Variants in CALN1 observed in about 807,000 individuals in gnomAD.
CALN1 encodes the protein calcium-binding protein 8.
CALN1 carries 17 observed loss-of-function variants against 30.6 expected under a neutral mutation model. That is an observed-to-expected ratio of 0.56 (90% CI 0.38 to 0.83). The LOEUF is 0.83. Among genes scored for constraint, CALN1 ranks in the 40% least tolerant of loss-of-function variants. The pLI is 0.00. For synonymous variants in CALN1, 156 were observed against 131.4 expected (o/e 1.19, Z -1.28); for missense variants, 291 against 354.9 (o/e 0.82, Z 1.45).
intron 5 of CALN1, among the ~76,000 whole-genome samples, chr7:71,889,110 G>A (rs182164921): frequency 6.6e-6 from 1 of 152,316 alleles, no homozygotes; most frequent in East Asian, 1.9e-4. Context: ...GAGATCAGGT[G>A]TCTTAGTTCC....
At chr7:72,093,236 A>C (rs556396864) in intron 4 of CALN1, among the ~76,000 whole-genome samples, 4 of 152,342 alleles carry the variant, frequency 2.6e-5, no homozygotes, top group South Asian at 4.1e-4. Flanking sequence ...AAAATGTTCT[A>C]AGACAGGCAT....
At chr7:72,396,253 A>AAG (rs1554399576) in intron 2 of CALN1, among the ~76,000 whole-genome samples, 9 of 106,236 alleles carry the variant, frequency 8.5e-5, no homozygotes, top group Admixed American at 7.1e-4. Context: ...AAAAAAAAAA[A>AAG]AAAAGAAAGA....
At chr7:72,155,977 T>C (rs1350997220) in intron 3 of CALN1, among the ~76,000 whole-genome samples, 1 of 152,188 alleles carries the variant, frequency 6.6e-6, no homozygotes, top group Non-Finnish European at 1.5e-5. Flanking sequence ...CCCTTGTGGT[T>C]ACATTAAACC....
intron 2 of CALN1, among the ~76,000 whole-genome samples, chr7:72,345,500 A>AAAT (rs1562909570): frequency 2.9e-5 from 4 of 136,262 alleles, no homozygotes; most frequent in African/African-American, 1.1e-4. Context: ...AGAGAGGGAG[A>AAAT]GAGGAAGGGA....
chr7:72,169,220 TAAGAC>T (rs1788761110), intron 3 of CALN1, among the ~76,000 whole-genome samples: 1 of 151,844 alleles, frequency 6.6e-6, no homozygotes, highest in Non-Finnish European at 1.5e-5. Context: ...AAAAAGAACT[TAAGAC>T]AAAAAAAAAG....
chr7:72,076,776 A>G (rs1044864591), intron 4 of CALN1, among the ~76,000 whole-genome samples: 6 of 152,116 alleles, frequency 3.9e-5, no homozygotes, highest in Admixed American at 3.9e-4. Flanking sequence ...ATCTAAAACC[A>G]ATTCCAGGTT....
chr7:71,978,233 T>C (rs999556481), intron 5 of CALN1, among the ~76,000 whole-genome samples: 10 of 148,684 alleles, frequency 6.7e-5, no homozygotes, highest in South Asian at 2.2e-4. Flanking sequence ...TGAGTCAGTA[T>C]TGCAAAAACT....
intron 5 of CALN1, among the ~76,000 whole-genome samples, chr7:72,003,853 T>C (rs868508979): frequency 3.7e-4 from 56 of 152,292 alleles, no homozygotes; most frequent in African/African-American, 1.3e-3. Context: ...CCTTGGTCCA[T>C]GGAAAAATTG....
At chr7:72,329,891 T>C (rs1801545101) in intron 2 of CALN1, among the ~76,000 whole-genome samples, 1 of 151,990 alleles carries the variant, frequency 6.6e-6, no homozygotes, top group African/African-American at 2.4e-5. Flanking sequence ...GAGGCAGAGC[T>C]TGCAGTGAGC....
Position 72,307,250 on chromosome 7 carries a change from C to A in CALN1, c.120-28440G>T, listed in dbSNP as rs1799716489. On this transcript the variant is annotated intron_variant, in intron 2 of 6. Transcript: ENST00000395275. The stretch of plus-strand genomic sequence containing the variant: ...AAATGAATAGTATGTAAATTAGATT[C>A]ATTCAATCCATCATTCAGATGGAAA... 2.6e-5 allele frequency among the ~76,000 whole-genome samples: 4 copies of A among 152,168 alleles called. No individual in the cohort carries two copies. The South Asian group carries it at 8.3e-4, about 32-fold the overall frequency.
At chr7:71,861,188 T>C (rs113161708) in intron 5 of CALN1, among the ~76,000 whole-genome samples, 1 of 151,938 alleles carries the variant, frequency 6.6e-6, no homozygotes, top group African/African-American at 2.4e-5. Flanking sequence ...GGTGTGTGTG[T>C]GTGCGTGTGT....
chr7:72,314,981 C>CAA (rs530371351), intron 2 of CALN1, among the ~76,000 whole-genome samples: 73 of 105,406 alleles, frequency 6.9e-4, no homozygotes, highest in East Asian at 2.3e-3. Flanking sequence ...CCCATCTCTA[C>CAA]AAAAAAAAAA....
chr7:72,265,176 G>C (rs956160781), intron 3 of CALN1, among the ~76,000 whole-genome samples: 1 of 152,150 alleles, frequency 6.6e-6, no homozygotes, highest in African/African-American at 2.4e-5. Flanking sequence ...ATACAGGTCT[G>C]GATGTAAATT....
At chr7:71,816,137 A>G (rs1788253367) in intron 5 of CALN1, among the ~76,000 whole-genome samples, 1 of 151,636 alleles carries the variant, frequency 6.6e-6, no homozygotes, top group Admixed American at 6.6e-5. Context: ...CTTGTTAAAC[A>G]ATTTGTACCT....
At chr7:72,233,733 C>T (rs1383611926) in intron 3 of CALN1, among the ~76,000 whole-genome samples, 2 of 151,914 alleles carry the variant, frequency 1.3e-5, no homozygotes, top group Non-Finnish European at 2.9e-5. Context: ...GCCAGGCATG[C>T]TGGCTCACAT....
chr7:71,939,923 T>TCA (rs1205378944), intron 5 of CALN1, among the ~76,000 whole-genome samples: 3 of 152,168 alleles, frequency 2.0e-5, no homozygotes, highest in Non-Finnish European at 4.4e-5. Flanking sequence ...CCAGACCATA[T>TCA]CAACTCCAAT....
chr7:72,187,094 G>A (rs930210482), intron 3 of CALN1, among the ~76,000 whole-genome samples: 2 of 151,994 alleles, frequency 1.3e-5, no homozygotes, highest in African/African-American at 4.8e-5. Context: ...GCTTTAGCCA[G>A]TTAAAAGTTG....
chr7:72,208,711 A>T (rs749910226), intron 3 of CALN1, among the ~76,000 whole-genome samples: 8 of 152,210 alleles, frequency 5.3e-5, no homozygotes, highest in Non-Finnish European at 1.0e-4. Context: ...ACTATTTTTA[A>T]AAAAGCCAGA....
intron 5 of CALN1, among the ~76,000 whole-genome samples, chr7:71,860,599 G>A (rs1385214356): frequency 6.6e-6 from 1 of 152,088 alleles, no homozygotes; most frequent in Non-Finnish European, 1.5e-5. Flanking sequence ...CTCTCTTGGG[G>A]GCTGAATCAG....
Sources: gnomAD v4.1 joint callset for allele counts (sites outside exome capture counted in the v4.1 genomes callset) on GRCh38, gnomAD v4.1.1 for gene constraint, MANE v1.5 for transcripts, NCBI Gene and HGNC (gene_info 2026-07-23, HGNC 2026-07-21) for gene names.